Variants in HS3ST5 observed in about 807,000 individuals in gnomAD.
HS3ST5 encodes heparan sulfate glucosamine 3-O-sulfotransferase 5.
HS3ST5 carries 10 observed loss-of-function variants against 25.4 expected under a neutral mutation model. The observed-to-expected ratio is 0.39, with a 90% confidence interval of 0.24 to 0.67. The LOEUF is 0.67. Among genes scored for constraint, HS3ST5 ranks in the 30% least tolerant of loss-of-function variants. The pLI, the probability that HS3ST5 is intolerant of heterozygous loss-of-function variation, is 0.44. For synonymous variants in HS3ST5, 170 were observed against 162.4 expected, an observed-to-expected ratio of 1.05 and a Z score of -0.36; for missense variants, 324 against 420.7, an observed-to-expected ratio of 0.77 and a Z score of 2.01.
Position 114,285,689 on chromosome 6 carries a change from G to A in HS3ST5, c.-339+56506C>T, listed in dbSNP as rs9481439. Among the ~76,000 whole-genome samples the A allele has an allele frequency of 4.2e-3, 632 of 152,028 alleles. 6 individuals are homozygous for A. The highest frequency in any genetic ancestry group is 0.014 in the African/African-American group (600 of 41,474). ...TGTCAGGGTGGGGAGGGCGGTGGGAGGAAGAGCATCAGGATAAATAGCTAT... is the reference window on the plus strand; with the variant it reads ...TGTCAGGGTGGGGAGGGCGGTGGGAAGAAGAGCATCAGGATAAATAGCTAT... On this transcript the variant is annotated intron_variant, in intron 1 of 4. Coordinates refer to ENST00000312719, the MANE Select transcript of HS3ST5 (RefSeq NM_153612.4).
At chr6:114,217,671 A>T (rs1421701553) in intron 2 of HS3ST5, among the ~76,000 whole-genome samples, 1 of 152,202 alleles carries the variant, frequency 6.6e-6, no homozygotes, top group Non-Finnish European at 1.5e-5. Context: ...GATGTTGGCA[A>T]TGTTATCATC....
intron 2 of HS3ST5, among the ~76,000 whole-genome samples, chr6:114,169,148 C>T (rs565541652): frequency 7.9e-5 from 12 of 152,098 alleles, no homozygotes; most frequent in Admixed American, 2.0e-4. Context: ...GTGTATATGA[C>T]ATCTAAACAG....
intron 3 of HS3ST5, among the ~76,000 whole-genome samples, chr6:114,142,510 G>A (rs1264483052): frequency 6.6e-6 from 1 of 152,130 alleles, no homozygotes. Flanking sequence ...CTGCGAGGGT[G>A]GGTGAGGATA....
At chr6:114,096,645 A>G (rs1287045387) in intron 3 of HS3ST5, among the ~76,000 whole-genome samples, 4 of 152,112 alleles carry the variant, frequency 2.6e-5, no homozygotes, top group East Asian at 1.9e-4. Context: ...AAAATTGGGG[A>G]AAAAAGTCAA....
chr6:114,079,943 T>C (rs1774355451), intron 3 of HS3ST5, among the ~76,000 whole-genome samples: 1 of 151,954 alleles, frequency 6.6e-6, no homozygotes, highest in East Asian at 1.9e-4. Flanking sequence ...GCCTGGCTAA[T>C]TTTGTTTTTT....
At chr6:114,301,068 T>C (rs1213764166) in intron 1 of HS3ST5, among the ~76,000 whole-genome samples, 1 of 152,156 alleles carries the variant, frequency 6.6e-6, no homozygotes, top group African/African-American at 2.4e-5. Context: ...GAAAATGTTC[T>C]AGAATAAAAT....
intron 1 of HS3ST5, among the ~76,000 whole-genome samples, chr6:114,337,977 T>A (rs1371428328): frequency 6.6e-6 from 1 of 152,136 alleles, no homozygotes; most frequent in Non-Finnish European, 1.5e-5. Context: ...ATTTTCCCTC[T>A]GTAAAATGGG....
chr6:114,149,918 T>C (rs1276223777), intron 3 of HS3ST5, among the ~76,000 whole-genome samples: 1 of 152,180 alleles, frequency 6.6e-6, no homozygotes, highest in African/African-American at 2.4e-5. Flanking sequence ...TAATTCTGCA[T>C]CCTGTCATAT....
At chr6:114,333,096 G>C (rs1776468477) in intron 1 of HS3ST5, among the ~76,000 whole-genome samples, 2 of 152,150 alleles carry the variant, frequency 1.3e-5, no homozygotes, top group Admixed American at 1.3e-4. Context: ...GAAGAGGATG[G>C]AGATCCAAGG....
At chr6:114,084,522 C>A (rs1034577245) in intron 3 of HS3ST5, 18 of 758,812 alleles carry the variant, frequency 2.4e-5, no homozygotes, top group African/African-American at 5.1e-5. Flanking sequence ...CTTCCCGAGC[C>A]GGCGTCCACC....
At chr6:114,135,434 GA>G (rs1333109757) in intron 3 of HS3ST5, among the ~76,000 whole-genome samples, 2 of 152,192 alleles carry the variant, frequency 1.3e-5, no homozygotes, top group Non-Finnish European at 1.5e-5. Flanking sequence ...GGTAGATGAG[GA>G]TGTGAATGGC....
chr6:114,261,448 T>C (rs566213058), intron 1 of HS3ST5, among the ~76,000 whole-genome samples: 21 of 152,186 alleles, frequency 1.4e-4, no homozygotes, highest in Non-Finnish European at 2.5e-4. Flanking sequence ...TGGCTGAGTA[T>C]ATACTTGATG....
At chr6:114,207,681 A>G (rs146992313) in intron 2 of HS3ST5, among the ~76,000 whole-genome samples, 5 of 152,086 alleles carry the variant, frequency 3.3e-5, no homozygotes, top group Non-Finnish European at 7.4e-5. Context: ...TCCACCACCC[A>G]TTTGTCTTTT....
At chr6:114,303,935 G>A (rs1163105500) in intron 1 of HS3ST5, among the ~76,000 whole-genome samples, 1 of 152,120 alleles carries the variant, frequency 6.6e-6, no homozygotes, top group South Asian at 2.1e-4. Flanking sequence ...CTGAGGGAGA[G>A]TTTATAAAAC....
At chr6:114,257,012 C>A (rs1772957094) in intron 1 of HS3ST5, among the ~76,000 whole-genome samples, 1 of 152,174 alleles carries the variant, frequency 6.6e-6, no homozygotes, top group Non-Finnish European at 1.5e-5. Context: ...GAATGAGAAC[C>A]AGGTAAAGGG....
chr6:114,311,071 A>G (rs998467257), intron 1 of HS3ST5, among the ~76,000 whole-genome samples: 3 of 152,248 alleles, frequency 2.0e-5, no homozygotes, highest in African/African-American at 7.2e-5. Context: ...TAACAATCAG[A>G]TAAGAATGCA....
At chr6:114,097,082 CTGAG>C (rs1410809386) in intron 3 of HS3ST5, among the ~76,000 whole-genome samples, 7 of 151,864 alleles carry the variant, frequency 4.6e-5, no homozygotes, top group Admixed American at 1.3e-4. Flanking sequence ...ACTTTTCTTC[CTGAG>C]TAATACAAAA....
chr6:114,120,143 TCAAA>T (rs1477990563), intron 3 of HS3ST5, among the ~76,000 whole-genome samples: 6 of 151,858 alleles, frequency 4.0e-5, no homozygotes, highest in African/African-American at 1.4e-4. Flanking sequence ...AGATGCTGTC[TCAAA>T]CAAAACAAAA....
chr6:114,119,386 T>C (rs1776676153), intron 3 of HS3ST5, among the ~76,000 whole-genome samples: 1 of 152,188 alleles, frequency 6.6e-6, no homozygotes, highest in Non-Finnish European at 1.5e-5. Flanking sequence ...CAGAAAATAA[T>C]GTGACCTTTC....
Sources: gnomAD v4.1 joint callset for allele counts (sites outside exome capture counted in the v4.1 genomes callset) on GRCh38, gnomAD v4.1.1 for gene constraint, MANE v1.5 for transcripts, NCBI Gene and HGNC (gene_info 2026-07-23, HGNC 2026-07-21) for gene names.